Variants in TNRC18 observed in about 807,000 individuals in gnomAD.
TNRC18 encodes the protein trinucleotide repeat containing 18, also known as trinucleotide repeat-containing gene 18 protein.
In TNRC18, 69 loss-of-function variants were observed where a neutral mutation model predicts 226.7. The ratio of observed to expected loss-of-function variants is 0.30; its 90% CI spans 0.25 to 0.37. The LOEUF is 0.37. Among genes scored for constraint, TNRC18 ranks in the 10% least tolerant of loss-of-function variants. The pLI, the probability that TNRC18 is intolerant of heterozygous loss-of-function variation, is 1.00. For missense variants in TNRC18, 4,754 were observed against 4,256.6 expected (o/e 1.12, Z -3.25); for synonymous variants, 2,449 against 1,927.6 (o/e 1.27, Z -7.09).
intron 11 of TNRC18, among the ~76,000 whole-genome samples, chr7:5,365,123 T>C (rs1349311043): frequency 6.6e-6 from 1 of 152,162 alleles, no homozygotes; most frequent in Non-Finnish European, 1.5e-5. Context: ...GATTGTTTCC[T>C]GTCTTTTCAA....
intron 11 of TNRC18, among the ~76,000 whole-genome samples, chr7:5,368,743 A>T (rs1303629852): frequency 6.6e-6 from 1 of 151,960 alleles, no homozygotes. Context: ...AAAGATCTTA[A>T]TTTGAGAAGT....
Position 5,312,519 on chromosome 7 carries a change from A to T in TNRC18, c.8372T>A (p.Phe2791Tyr). 4 of 1,610,960 alleles carry T rather than the reference A, an allele frequency of 2.5e-6. No individual in the cohort carries two copies. Among genetic ancestry groups the T allele is most frequent in the Non-Finnish European group, 2.5e-6 (3 of 1,179,296 alleles). ...CTTGCTCACCTGGGTGGGCTTGCCG[A>T]ACCACTTCCAGAGCTGCCGGGCTGG... is the stretch of plus-strand genomic sequence containing the variant. ...FLPARQLWKW[F>Y]GKPTQRRGMK... Residue 2791 changes from phenylalanine (F) to tyrosine (Y), a missense_variant, in exon 27 of 30, where the codon TTC (phenylalanine) becomes TAC (tyrosine). Transcript: ENST00000430969. The surrounding 1 kb of genome is among the most constrained non-coding windows in gnomAD (Gnocchi z 6.3).
chr7:5,343,815 G>T (rs1183634282), intron 18 of TNRC18, among the ~76,000 whole-genome samples: 1 of 152,190 alleles, frequency 6.6e-6, no homozygotes, highest in African/African-American at 2.4e-5. Flanking sequence ...TAGTTTAAAC[G>T]TAATTTTATA....
At chr7:5,421,019 T>G (rs1457865509) in intron 2 of TNRC18, 41 bp downstream of exon 2, 2 of 1,541,034 alleles carry the variant, frequency 1.3e-6, no homozygotes, top group Non-Finnish European at 1.8e-6. Flanking sequence ...TGGATCTCCC[T>G]GGGAAGACAG....
At chr7:5,410,778 G>A (rs375022146) in intron 2 of TNRC18, among the ~76,000 whole-genome samples, 2 of 146,232 alleles carry the variant, frequency 1.4e-5, no homozygotes, top group Non-Finnish European at 1.5e-5. Flanking sequence ...AGGCTTCAGC[G>A]CTTGAACCCG....
chr7:5,394,700 G>C lies in TNRC18; in HGVS notation c.188-105C>G, dbSNP rs1320915352. 6.6e-5 allele frequency: 52 copies of C among 786,686 alleles called. 1 individual carries two copies. In the South Asian group the frequency reaches 8.2e-4, roughly 12 times the overall value. The allele number at this position is 786,686 out of a possible 1,614,324, so 48.7% of individuals were successfully genotyped here. A position where few individuals can be genotyped will look rare whatever the true frequency, so the allele number is the denominator to read the frequency against. ...GCCCCGAGACCGCCGCCTCTCCCCAGCTGTGTGGAGCTGATGCTGGCCAGG... is the reference window on the plus strand; with the variant it reads ...GCCCCGAGACCGCCGCCTCTCCCCACCTGTGTGGAGCTGATGCTGGCCAGG... On this transcript the variant is annotated intron_variant, in intron 2 of 29. Transcript: ENST00000430969. This position sits in a 1 kb window ranked among gnomAD's most constrained non-coding sequence, Gnocchi z 4.5.
At chr7:5,365,467 G>C (rs1254752653) in intron 11 of TNRC18, among the ~76,000 whole-genome samples, 1 of 151,944 alleles carries the variant, frequency 6.6e-6, no homozygotes, top group Non-Finnish European at 1.5e-5. Flanking sequence ...ACGTGTGACA[G>C]GAAGAGCCTC....
At chr7:5,375,737 C>T (rs756844553) in intron 9 of TNRC18, among the ~76,000 whole-genome samples, 1 of 152,152 alleles carries the variant, frequency 6.6e-6, no homozygotes, top group Non-Finnish European at 1.5e-5. Flanking sequence ...TGTCCAATCA[C>T]CCTTCCCCAG....
chr7:5,371,905 C>G (rs191722203), intron 10 of TNRC18, among the ~76,000 whole-genome samples: 26 of 151,228 alleles, frequency 1.7e-4, no homozygotes, highest in Admixed American at 1.7e-3. Flanking sequence ...ACCCCATTTC[C>G]TTTTTTTTTG....
In TNRC18 at chr7:5,307,373, G is replaced by A; in HGVS notation, c.*733C>T. ...GGTACAATAAAACTGTACAGGTTAA[G>A]AAGTGCCACCTCCCTCCTGGGTGGG... is the stretch of plus-strand genomic sequence containing the variant. On this transcript the variant is annotated 3_prime_UTR_variant, in exon 30 of 30. Transcript: ENST00000430969. 1 of 278,568 alleles carries A rather than the reference G, an allele frequency of 3.6e-6. No homozygotes were observed. Among genetic ancestry groups the A allele is most frequent in the Non-Finnish European group, 7.3e-6 (1 of 137,880 alleles). 17.3% of individuals were successfully genotyped at this position (278,568 alleles called of 1,614,324 possible).
In TNRC18 at chr7:5,347,397, C is replaced by T. The variant is rs544151366; in HGVS notation, c.5471-1587G>A. The stretch of plus-strand genomic sequence containing the variant: ...ATTTTTAGTAGAGACGGGGTTTCAC[C>T]GTGTTAGCCAGGATGGTCTCCATCT... On this transcript the variant is annotated intron_variant, in intron 17 of 29. Coordinates refer to ENST00000430969, the MANE Select transcript of TNRC18 (RefSeq NM_001080495.3). Among the ~76,000 whole-genome samples, 27 of 149,980 alleles carry T rather than the reference C, an allele frequency of 1.8e-4. 1 individual carries two copies. In the South Asian group the frequency reaches 5.0e-3, roughly 28 times the overall value.
At chr7:5,361,116 C>T (rs913834685) in intron 14 of TNRC18, among the ~76,000 whole-genome samples, 1 of 152,210 alleles carries the variant, frequency 6.6e-6, no homozygotes, top group Non-Finnish European at 1.5e-5. Context: ...CACAAGGCTG[C>T]GACCGCCGCC....
intron 18 of TNRC18, among the ~76,000 whole-genome samples, chr7:5,334,198 C>G (rs34519436): frequency 0.53 from 80,509 of 152,204 alleles, 22,612 homozygotes; most frequent in East Asian, 0.74. Flanking sequence ...GAGGCTTGCT[C>G]TGCACTGCCC....
rs559107256 is a variant in TNRC18, at chr7:5,323,348, C to T, written c.6442+866G>A. 1.1e-3 allele frequency among the ~76,000 whole-genome samples: 162 copies of T among 149,182 alleles called. 1 individual carries two copies. Among genetic ancestry groups the T allele is most frequent in the African/African-American group, 3.8e-3 (154 of 40,344 alleles). On this transcript the variant is annotated intron_variant, in intron 21 of 29. Transcript: ENST00000430969. ...GACAGGGCTTCCCCCCACCCCCACA[C>T]CTGTCCTCACCCTTCCCTTCCCCTC...
chr7:5,359,672 G>T, intron 14 of TNRC18, 103 bp from the exon 15 acceptor site: 2 of 1,330,750 alleles, frequency 1.5e-6, no homozygotes, highest in Non-Finnish European at 2.1e-6. Flanking sequence ...GACCCTGAGC[G>T]TGGACAGTGA....
intron 5 of TNRC18, among the ~76,000 whole-genome samples, chr7:5,386,578 A>C (rs1262840600): frequency 2.0e-5 from 3 of 150,850 alleles, no homozygotes; most frequent in African/African-American, 7.4e-5. Flanking sequence ...TGTCTCCAAA[A>C]AAAAAAAAAG....
chr7:5,406,777 G>A (rs530261498), intron 2 of TNRC18, among the ~76,000 whole-genome samples: 75 of 149,814 alleles, frequency 5.0e-4, no homozygotes, highest in African/African-American at 1.8e-3. Flanking sequence ...CTTGAACCCA[G>A]GAGGCAGAGG....
chr7:5,404,163 G>A (rs891378699), intron 2 of TNRC18, among the ~76,000 whole-genome samples: 1 of 152,192 alleles, frequency 6.6e-6, no homozygotes, highest in Non-Finnish European at 1.5e-5. Flanking sequence ...ACAAGGTCAA[G>A]AGTTCAAGGC....
At chr7:5,385,982 C>CAAAA (rs1160231238) in intron 5 of TNRC18, among the ~76,000 whole-genome samples, 94 of 41,488 alleles carry the variant, frequency 2.3e-3, no homozygotes, top group African/African-American at 3.3e-3. Context: ...AAGTCTGTCT[C>CAAAA]AAAAAAAAAA....
Sources: gnomAD v4.1 joint callset for allele counts (sites outside exome capture counted in the v4.1 genomes callset) on GRCh38, gnomAD v4.1.1 for gene constraint, Gnocchi (gnomAD v3.1) non-coding constraint, MANE v1.5 for transcripts, NCBI Gene and HGNC (gene_info 2026-07-23, HGNC 2026-07-21) for gene names.